NFATC3: variants seen among roughly 807,000 people sequenced by gnomAD.
NFATC3 encodes nuclear factor of activated T-cells, cytoplasmic 3.
NFATC3 carries 46 observed loss-of-function variants against 98.6 expected under a neutral mutation model. The ratio of observed to expected loss-of-function variants is 0.47; its 90% CI spans 0.37 to 0.60. The LOEUF (loss-of-function observed/expected upper bound fraction) is 0.60, where lower values mean the gene tolerates loss of function less well. Among genes scored for constraint, NFATC3 ranks in the 20% least tolerant of loss-of-function variants. The probability of loss-of-function intolerance (pLI) is 0.00; values close to 1 mark genes in which losing one functional copy is unlikely to be tolerated. For missense variants in NFATC3, 1,256 were observed against 1,295.5 expected (o/e 0.97, Z 0.47); for synonymous variants, 512 against 472.2 (o/e 1.08, Z -1.09).
intron 1 of NFATC3, chr16:68,089,006 G>C: frequency 1.0e-6 from 1 of 985,426 alleles, no homozygotes; most frequent in Non-Finnish European, 1.2e-6. Flanking sequence ...CCTAAGTTTT[G>C]AATCATTGCT....
chr16:68,101,196 G>T (rs1280145425), intron 1 of NFATC3, among the ~76,000 whole-genome samples: 1 of 151,984 alleles, frequency 6.6e-6, no homozygotes, highest in African/African-American at 2.4e-5. Context: ...AGGATGGAGT[G>T]CAGTGGCATG....
At chr16:68,103,069 G>A (rs990849128) in intron 1 of NFATC3, among the ~76,000 whole-genome samples, 6 of 151,358 alleles carry the variant, frequency 4.0e-5, no homozygotes. Flanking sequence ...ACTTTTTGCT[G>A]TTCAGTTATA....
chr16:68,127,679 C>A (rs1212263590), intron 3 of NFATC3, among the ~76,000 whole-genome samples: 2 of 147,350 alleles, frequency 1.4e-5, no homozygotes, highest in Non-Finnish European at 3.0e-5. Flanking sequence ...CAGAATGAGA[C>A]CCTGTCTCAA....
At chr16:68,133,377 C>T (rs2037215807) in intron 3 of NFATC3, among the ~76,000 whole-genome samples, 1 of 152,130 alleles carries the variant, frequency 6.6e-6, no homozygotes, top group African/African-American at 2.4e-5. Flanking sequence ...ACATTATATA[C>T]ATGTATCAAA....
chr16:68,140,626 A>C (rs1290396229), intron 3 of NFATC3, among the ~76,000 whole-genome samples: 1 of 152,080 alleles, frequency 6.6e-6, no homozygotes, highest in Non-Finnish European at 1.5e-5. Flanking sequence ...TATCTTATAA[A>C]ATTAATACAA....
At chr16:68,139,113 A>G (rs1243001909) in intron 3 of NFATC3, among the ~76,000 whole-genome samples, 2 of 152,226 alleles carry the variant, frequency 1.3e-5, no homozygotes, top group South Asian at 2.1e-4. Flanking sequence ...CTTTATACTG[A>G]GAGAGACAAT....
chr16:68,096,838 G>A (rs1474583388), intron 1 of NFATC3, among the ~76,000 whole-genome samples: 1 of 152,178 alleles, frequency 6.6e-6, no homozygotes, highest in Non-Finnish European at 1.5e-5. Context: ...GGCTGGAGAG[G>A]GACAGACTAT....
intron 1 of NFATC3, among the ~76,000 whole-genome samples, chr16:68,091,423 A>G (rs1338147073): frequency 6.6e-6 from 1 of 152,174 alleles, no homozygotes; most frequent in Non-Finnish European, 1.5e-5. Flanking sequence ...AGTTTGCTCT[A>G]TATTTATTTT....
At chr16:68,150,934 A>G (rs984760622) in intron 3 of NFATC3, among the ~76,000 whole-genome samples, 4 of 151,896 alleles carry the variant, frequency 2.6e-5, no homozygotes, top group African/African-American at 9.7e-5. Flanking sequence ...ACCTTCAACC[A>G]TGACTGTAAA....
chr16:68,092,266 G>T (rs1244246879), intron 1 of NFATC3, among the ~76,000 whole-genome samples: 1 of 149,994 alleles, frequency 6.7e-6, no homozygotes, highest in Non-Finnish European at 1.5e-5. Flanking sequence ...GACTAGCCTG[G>T]CCAACATGAT....
chr16:68,110,174 T>G (rs902801731), intron 1 of NFATC3, among the ~76,000 whole-genome samples: 3 of 151,938 alleles, frequency 2.0e-5, no homozygotes, highest in African/African-American at 7.3e-5. Flanking sequence ...TGGGCTAATT[T>G]TTGTATTTTT....
At chr16:68,215,284 C>G (rs902252301) in intron 9 of NFATC3, among the ~76,000 whole-genome samples, 1 of 152,168 alleles carries the variant, frequency 6.6e-6, no homozygotes, top group Non-Finnish European at 1.5e-5. Context: ...CTTGTCCAAC[C>G]ATGAGAGGAG....
chr16:68,196,702 GA>G (rs892415823), intron 9 of NFATC3, among the ~76,000 whole-genome samples: 1 of 147,016 alleles, frequency 6.8e-6, no homozygotes, highest in African/African-American at 2.5e-5. Flanking sequence ...TCTCAAAAAA[GA>G]AAAAAAAACA....
At chr16:68,222,213 G>A (rs2041889322) in intron 9 of NFATC3, among the ~76,000 whole-genome samples, 1 of 141,872 alleles carries the variant, frequency 7.0e-6, no homozygotes, top group Non-Finnish European at 1.5e-5. Flanking sequence ...GGCTTAGGTG[G>A]GAAGATCAAG....
rs2042083544 is a variant in NFATC3, at chr16:68,228,716, T to C, written c.*2245T>C. 6.6e-6 allele frequency: 1 copy of C among 152,628 alleles called. No individual in the cohort carries two copies. The highest frequency in any genetic ancestry group is 1.5e-5 in the Non-Finnish European group (1 of 68,030). The allele number at this position is 152,628 out of a possible 1,614,324, so 9.5% of individuals were successfully genotyped here. A position where few individuals can be genotyped will look rare whatever the true frequency, so the allele number is the denominator to read the frequency against. ...CAACATAGTGGTGTTAAAGCACACA[T>C]CCATTGGACTATGCAAATCAATTTC... On this transcript the variant is annotated 3_prime_UTR_variant, in exon 10 of 10. Coordinates refer to ENST00000346183, the MANE Select transcript of NFATC3 (RefSeq NM_173165.3).
rs200413040 is a variant in NFATC3 at position 68,191,104 on chromosome 16, A to G, written c.2435A>G (p.Asn812Ser). 56 of 1,614,214 alleles carry G rather than the reference A, an allele frequency of 3.5e-5. No homozygotes were observed. The highest frequency in any genetic ancestry group is 6.7e-5 in the Admixed American group (4 of 60,020). The change falls in exon 9 of 10, where the codon AAT becomes AGT. Residue 812 changes from asparagine to serine, a missense_variant. This residue lies in a region of NFATC3 where 636 missense variants were observed against 617.3 expected (regional missense o/e 1.03). Coordinates refer to ENST00000346183, the MANE Select transcript of NFATC3 (RefSeq NM_173165.3). ...YQPMQTNVVY[N>S]GPTCLPINAA... ...CCTATGCAAACTAATGTTGTGTACA[A>G]TGGACCAACTTGTCTTCCTATTAAT... is the stretch of plus-strand genomic sequence containing the variant.
chr16:68,149,056 C>T (rs2038183853), intron 3 of NFATC3, among the ~76,000 whole-genome samples: 1 of 151,992 alleles, frequency 6.6e-6, no homozygotes, highest in African/African-American at 2.4e-5. Context: ...TGTTTCTTTC[C>T]TGTGTGGTAC....
chr16:68,202,079 A>G (rs1157856712), intron 9 of NFATC3, among the ~76,000 whole-genome samples: 3 of 151,150 alleles, frequency 2.0e-5, no homozygotes, highest in South Asian at 2.1e-4. Context: ...ACAACTTTCC[A>G]TTAAAGTCCC....
chr16:68,173,714 T>C (rs1274466853), intron 5 of NFATC3, among the ~76,000 whole-genome samples: 1 of 152,258 alleles, frequency 6.6e-6, no homozygotes, highest in Non-Finnish European at 1.5e-5. Flanking sequence ...ATTAGATTTA[T>C]AGATTTTAAC....
Sources: gnomAD v4.1 joint callset for allele counts (sites outside exome capture counted in the v4.1 genomes callset) on GRCh38, gnomAD v4.1.1 for gene constraint, gnomAD v4.1.1 regional missense constraint, MANE v1.5 for transcripts, NCBI Gene and HGNC (gene_info 2026-07-23, HGNC 2026-07-21) for gene names.